The following ZNF721 variants were observed in gnomAD, a reference collection of about 807,000 sequenced individuals.
ZNF721 encodes zinc finger protein 721.
Under a neutral mutation model 2.4 loss-of-function variants are expected in ZNF721, and 2 were observed. The observed-to-expected ratio is 0.82, with a 90% confidence interval of 0.34 to 2.58. ZNF721 has a LOEUF of 2.58. Ranked by LOEUF, ZNF721 falls within the 30% of genes most tolerant of loss-of-function variation. ZNF721 has a pLI of 0.11. For synonymous variants in ZNF721, 398 were observed against 381.8 expected (o/e 1.04, Z -0.50); for missense variants, 1,187 against 1,085.5 (o/e 1.09, Z -1.31).
At chr4:483,440 T>G (rs782489129) in intron 1 of ZNF721, among the ~76,000 whole-genome samples, 3 of 151,762 alleles carry the variant, frequency 2.0e-5, no homozygotes, top group African/African-American at 7.3e-5. Context: ...TAATCCCAGC[T>G]ACTTGGGAGG....
chr4:479,234 CT>C (rs1420329125), intron 1 of ZNF721, among the ~76,000 whole-genome samples: 1 of 152,076 alleles, frequency 6.6e-6, no homozygotes, highest in Non-Finnish European at 1.5e-5. Flanking sequence ...AGATCTCCCC[CT>C]GGCAACCCTG....
chr4:442,386 T>C lies in ZNF721; in HGVS notation c.2081A>G (p.Glu694Gly), dbSNP rs1362694881. The C allele has an allele frequency of 9.3e-6, 15 of 1,613,842 alleles. No individual in the cohort carries two copies. In the East Asian group the frequency reaches 2.9e-4, roughly 31 times the overall value. Residue 694 changes from glutamate to glycine, a missense_variant, in exon 3 of 3, where the codon GAA (glutamate) becomes GGA (glycine). Physicochemically the swap from Glu to Gly is moderately conservative, Grantham distance 98. Coordinates refer to ENST00000511833, the MANE Select transcript of ZNF721 (RefSeq NM_133474.4). ...LNQHKKIHTG[E>G]KPYKCEECGK... Reference sequence around the variant, plus strand: ...ACACTCTTCACATTTGTAAGGTTTTTCTCCAGTATGAATTTTCTTGTGTTG... The same window carrying C: ...ACACTCTTCACATTTGTAAGGTTTTCCTCCAGTATGAATTTTCTTGTGTTG...
intron 1 of ZNF721, among the ~76,000 whole-genome samples, chr4:486,887 A>G (rs1276195729): frequency 2.0e-5 from 3 of 152,162 alleles, no homozygotes; most frequent in African/African-American, 7.2e-5. Flanking sequence ...AATGGTGAAG[A>G]GTAATGGATG....
At chr4:449,194 T>C (rs1714571674) in intron 2 of ZNF721, among the ~76,000 whole-genome samples, 1 of 152,138 alleles carries the variant, frequency 6.6e-6, no homozygotes, top group African/African-American at 2.4e-5. Context: ...TAAAAATATA[T>C]GATTGTAAAG....
chr4:454,363 G>A (rs1356776358), intron 2 of ZNF721, among the ~76,000 whole-genome samples: 2 of 152,192 alleles, frequency 1.3e-5, no homozygotes, highest in Non-Finnish European at 2.9e-5. Flanking sequence ...TTTACATGTA[G>A]ACAAAGCTCT....
chr4:493,397 G>C (rs1716074130), intron 1 of ZNF721, among the ~76,000 whole-genome samples: 2 of 152,176 alleles, frequency 1.3e-5, no homozygotes, highest in Admixed American at 6.5e-5. Flanking sequence ...TGGTAATCTA[G>C]GCCAGATGCA....
chr4:489,538 T>G (rs12642065), intron 1 of ZNF721, among the ~76,000 whole-genome samples: 1 of 152,074 alleles, frequency 6.6e-6, no homozygotes, highest in Non-Finnish European at 1.5e-5. Flanking sequence ...ACTCTCAGCT[T>G]GCAGCCCCTG....
intron 2 of ZNF721, among the ~76,000 whole-genome samples, chr4:450,150 G>A (rs1229335904): frequency 6.6e-6 from 1 of 152,092 alleles, no homozygotes; most frequent in African/African-American, 2.4e-5. Flanking sequence ...AAATGGGATT[G>A]CTGGAACATA....
At position 472,556 on chromosome 4, in the gene ZNF721, G is replaced by C. The variant is rs1553867855; in HGVS notation, c.34+19C>G. ...ACTCAGAGGGAGTATTAGGAATTAT[G>C]CATTAAAGTTATCCTCACCTAGGGA... is the stretch of plus-strand genomic sequence containing the variant. On this transcript the variant is annotated intron_variant, in intron 2 of 2. Coordinates refer to ENST00000511833, the MANE Select transcript of ZNF721 (RefSeq NM_133474.4). 6.3e-7 allele frequency: 1 copy of C among 1,594,836 alleles called. No homozygotes were observed. Among genetic ancestry groups the C allele is most frequent in the East Asian group, 2.2e-5 (1 of 44,786 alleles).
At chr4:498,221 A>G (rs1182192683) in intron 1 of ZNF721, among the ~76,000 whole-genome samples, 19 of 136,144 alleles carry the variant, frequency 1.4e-4, no homozygotes, top group African/African-American at 4.5e-4. Context: ...AAAAGAAAAA[A>G]AAAAAAAAAA....
intron 2 of ZNF721, among the ~76,000 whole-genome samples, chr4:467,851 C>T (rs1278520599): frequency 5.9e-5 from 9 of 152,180 alleles, no homozygotes; most frequent in Non-Finnish European, 1.5e-5. Flanking sequence ...AAACTGTTCC[C>T]AGGGGCTGGG....
chr4:450,636 A>G (rs372687989), intron 2 of ZNF721, among the ~76,000 whole-genome samples: 16 of 145,746 alleles, frequency 1.1e-4, no homozygotes, highest in South Asian at 6.6e-4. Flanking sequence ...TTACACATCT[A>G]TTTAAAATAT....
rs1276730200 is a variant in ZNF721, at chr4:439,999, T to C, written c.*1696A>G. On this transcript the variant is annotated 3_prime_UTR_variant, in exon 3 of 3. Coordinates refer to ENST00000511833, the MANE Select transcript of ZNF721 (RefSeq NM_133474.4). ...TCACGGCACAAAAATTTTAACACAA[T>C]AACAATTTTTATTTCAAAAATTAAG... The C allele has an allele frequency of 8.5e-5, 13 of 152,136 alleles. No individual in the cohort carries two copies. The highest frequency in any genetic ancestry group is 7.2e-4 in the Admixed American group (11 of 15,284). 9.4% of individuals were successfully genotyped at this position (152,136 alleles called of 1,614,324 possible). A position where few individuals can be genotyped will look rare whatever the true frequency, so the allele number is the denominator to read the frequency against.
At chr4:454,378 G>C (rs1441006953) in intron 2 of ZNF721, among the ~76,000 whole-genome samples, 1 of 152,226 alleles carries the variant, frequency 6.6e-6, no homozygotes. Flanking sequence ...AGCTCTTAAT[G>C]ATAGTAGCAC....
chr4:478,881 T>C (rs1214833012), intron 1 of ZNF721, among the ~76,000 whole-genome samples: 1 of 151,726 alleles, frequency 6.6e-6, no homozygotes, highest in African/African-American at 2.4e-5. Context: ...GCGATTCTCC[T>C]GCCTCAGCCT....
chr4:444,657 C>T (rs1714414270), intron 2 of ZNF721, among the ~76,000 whole-genome samples: 1 of 152,168 alleles, frequency 6.6e-6, no homozygotes, highest in Non-Finnish European at 1.5e-5. Flanking sequence ...AAGCACAATG[C>T]CAAGAGCCAC....
At chr4:480,035 G>A (rs1715733908) in intron 1 of ZNF721, among the ~76,000 whole-genome samples, 1 of 152,008 alleles carries the variant, frequency 6.6e-6, no homozygotes, top group Admixed American at 6.6e-5. Flanking sequence ...ACCTGGGTAT[G>A]GTGATTTTGG....
chr4:493,171 TAAAAAA>T (rs79248295), intron 1 of ZNF721, among the ~76,000 whole-genome samples: 2 of 131,876 alleles, frequency 1.5e-5, no homozygotes, highest in Admixed American at 7.8e-5. Flanking sequence ...ACTGAGACAG[TAAAAAA>T]AAAAAAAAAA....
chr4:494,791 G>A (rs965516312), intron 1 of ZNF721, among the ~76,000 whole-genome samples: 1 of 152,124 alleles, frequency 6.6e-6, no homozygotes, highest in Admixed American at 6.6e-5. Context: ...AGGGACTACT[G>A]GATCTCAGAG....
Sources: gnomAD v4.1 joint callset for allele counts (sites outside exome capture counted in the v4.1 genomes callset) on GRCh38, gnomAD v4.1.1 for gene constraint, MANE v1.5 for transcripts, NCBI Gene and HGNC (gene_info 2026-07-23, HGNC 2026-07-21) for gene names.